The following TOGARAM2 variants were observed in gnomAD, a reference collection of about 807,000 sequenced individuals.
TOGARAM2 encodes the protein TOG array regulator of axonemal microtubules 2.
A neutral mutation model predicts 93.3 loss-of-function variants in TOGARAM2; 85 were observed. The ratio of observed to expected loss-of-function variants is 0.91; its 90% CI spans 0.76 to 1.09. The LOEUF (loss-of-function observed/expected upper bound fraction) is 1.09. Ranked by LOEUF, TOGARAM2 falls within the 50% of genes least tolerant of loss-of-function variation. The pLI, the probability that TOGARAM2 is intolerant of heterozygous loss-of-function variation, is 0.00. For missense variants in TOGARAM2, 1,277 were observed against 1,334.5 expected (o/e 0.96, Z 0.67); for synonymous variants, 593 against 552.8 (o/e 1.07, Z -1.02).
chr2:28,990,291 T>C (rs1006917095), intron 1 of TOGARAM2, among the ~76,000 whole-genome samples: 1 of 152,200 alleles, frequency 6.6e-6, no homozygotes, highest in East Asian at 1.9e-4. Context: ...TGTAATTCTC[T>C]CCGAGGCTCC....
chr2:28,990,923 G>A (rs149476735), intron 1 of TOGARAM2, among the ~76,000 whole-genome samples: 7 of 151,898 alleles, frequency 4.6e-5, no homozygotes, highest in Non-Finnish European at 1.0e-4. Context: ...TAGGAATGGA[G>A]GGCCGGCCTG....
intron 4 of TOGARAM2, among the ~76,000 whole-genome samples, chr2:29,002,056 G>T (rs2148287430): frequency 6.6e-6 from 1 of 152,236 alleles, no homozygotes; most frequent in South Asian, 2.1e-4. Context: ...GTCTGTCTTA[G>T]ACTATGTTAG....
At chr2:28,997,895 A>T (rs1673073574) in intron 2 of TOGARAM2, among the ~76,000 whole-genome samples, 1 of 151,946 alleles carries the variant, frequency 6.6e-6, no homozygotes, top group Non-Finnish European at 1.5e-5. Context: ...GGATGCGAGG[A>T]GGGAGGAGGC....
At chr2:28,984,796 T>C (rs1017294245) in intron 1 of TOGARAM2, among the ~76,000 whole-genome samples, 1 of 152,224 alleles carries the variant, frequency 6.6e-6, no homozygotes, top group Admixed American at 6.5e-5. Context: ...ATTGATGCGG[T>C]GGTATCCTAC....
At chr2:28,970,206 G>A (rs1671928736) in intron 1 of TOGARAM2, among the ~76,000 whole-genome samples, 2 of 152,196 alleles carry the variant, frequency 1.3e-5, no homozygotes, top group South Asian at 4.1e-4. Context: ...GGGTTTCAGA[G>A]AAGTTTAATG....
At chr2:29,005,307 TGG>T (rs1558422187) in intron 6 of TOGARAM2, among the ~76,000 whole-genome samples, 1 of 66,000 alleles carries the variant, frequency 1.5e-5, no homozygotes, top group Non-Finnish European at 4.1e-5. Context: ...TGTGTGTGTG[TGG>T]GGTATGTGTG....
intron 14 of TOGARAM2, among the ~76,000 whole-genome samples, chr2:29,028,286 A>G (rs1461517360): frequency 6.6e-6 from 1 of 152,144 alleles, no homozygotes; most frequent in African/African-American, 2.4e-5. Flanking sequence ...CTCGTAGGGT[A>G]CCCACGTCTG....
intron 1 of TOGARAM2, chr2:28,972,657 C>T (rs539153824): frequency 6.6e-6 from 1 of 152,302 alleles, no homozygotes; most frequent in African/African-American, 2.4e-5. Flanking sequence ...CTGGAGATTC[C>T]CACTGGCTCT....
At chr2:28,990,998 GT>G in intron 1 of TOGARAM2, among the ~76,000 whole-genome samples, 1 of 46,596 alleles carries the variant, frequency 2.1e-5, no homozygotes, top group African/African-American at 5.2e-5. Context: ...AAGGGTGTGT[GT>G]GTGTGTGTGT....
chr2:29,021,017 G>T (rs563961513), intron 10 of TOGARAM2, among the ~76,000 whole-genome samples: 86 of 152,212 alleles, frequency 5.7e-4, no homozygotes, highest in Middle Eastern at 3.4e-3. Flanking sequence ...GAGTTCAAGC[G>T]ATTCTCCTGC....
At chr2:28,969,973 C>T (rs1038774959) in intron 1 of TOGARAM2, among the ~76,000 whole-genome samples, 4 of 152,042 alleles carry the variant, frequency 2.6e-5, no homozygotes, top group South Asian at 2.1e-4. Context: ...CCACCACGCC[C>T]GGCTAATTTT....
At chr2:29,005,266 T>C (rs1673639810) in intron 6 of TOGARAM2, among the ~76,000 whole-genome samples, 1 of 146,096 alleles carries the variant, frequency 6.8e-6, no homozygotes, top group African/African-American at 2.6e-5. Context: ...TGCATGTGTG[T>C]GGAGTGTGTG....
At chr2:29,033,868 C>G (rs1665927158) in intron 16 of TOGARAM2, among the ~76,000 whole-genome samples, 1 of 152,128 alleles carries the variant, frequency 6.6e-6, no homozygotes, top group Non-Finnish European at 1.5e-5. Context: ...CTCAGTGTTT[C>G]CTCGTTCGCT....
At chr2:29,013,637 G>C (rs761601702) in intron 7 of TOGARAM2, among the ~76,000 whole-genome samples, 6 of 152,322 alleles carry the variant, frequency 3.9e-5, no homozygotes, top group Admixed American at 2.0e-4. Flanking sequence ...CGTCCAGCAG[G>C]GGAGAAAGCA....
At chr2:29,011,539 ACT>A (rs2148322727) in intron 7 of TOGARAM2, 38 bp downstream of exon 7, 4 of 1,570,808 alleles carry the variant, frequency 2.5e-6, no homozygotes, top group East Asian at 4.8e-5. Context: ...TTGTTATTTG[ACT>A]CTCTACATTC....
intron 2 of TOGARAM2, among the ~76,000 whole-genome samples, 177 bp downstream of exon 2, chr2:28,995,039 G>A (rs1672926078): frequency 6.6e-6 from 1 of 152,278 alleles, no homozygotes; most frequent in Admixed American, 6.5e-5. Flanking sequence ...CCGCTCAGCT[G>A]GCTGTCTGGG....
chr2:29,027,622 G>A (rs1665489702), intron 14 of TOGARAM2, among the ~76,000 whole-genome samples: 1 of 151,524 alleles, frequency 6.6e-6, no homozygotes, highest in African/African-American at 2.4e-5. Context: ...TGCTAGGGGT[G>A]GTGTTGCACA....
chr2:29,029,984 C>A (rs1233134980), intron 14 of TOGARAM2, among the ~76,000 whole-genome samples: 1 of 152,080 alleles, frequency 6.6e-6, no homozygotes, highest in Non-Finnish European at 1.5e-5. Context: ...GCAAACAAAA[C>A]ATTGCCTGGC....
upstream of TOGARAM2, among the ~76,000 whole-genome samples, chr2:28,981,050 G>A (rs568946863): frequency 5.3e-5 from 8 of 152,320 alleles, no homozygotes; most frequent in African/African-American, 9.6e-5. Context: ...AAAACCAGGA[G>A]TTCTACCAAC....
Sources: allele counts gnomAD v4.1 joint callset (sites outside exome capture counted in the v4.1 genomes callset), GRCh38; gene constraint gnomAD v4.1.1; transcripts MANE v1.5; gene names NCBI Gene and HGNC (gene_info 2026-07-23, HGNC 2026-07-21).